CD99: variants seen among roughly 807,000 people sequenced by gnomAD.
The protein encoded by CD99 is CD99 antigen.
In CD99, 19 loss-of-function variants were observed where a neutral mutation model predicts 28.4. The observed-to-expected ratio is 0.67, with a 90% CI of 0.47 to 0.98. The LOEUF is 0.98. CD99 is among the 50% of genes least tolerant of loss of function. CD99 has a pLI of 0.00. For missense variants in CD99, 283 were observed against 248.8 expected (o/e 1.14, Z -0.92); for synonymous variants, 103 against 92.1 (o/e 1.12, Z -0.67).
chrX:2,739,534 C>T (rs1408601816), intron 9 of CD99, among the ~76,000 whole-genome samples: 6 of 151,994 alleles, frequency 3.9e-5, no homozygotes, highest in African/African-American at 9.7e-5. Context: ...ACTGCAACCC[C>T]TGCCTCCCAG....
chrX:2,699,638 G>A (rs1223725973), intron 1 of CD99, among the ~76,000 whole-genome samples: 1 of 151,944 alleles, frequency 6.6e-6, no homozygotes, highest in Non-Finnish European at 1.5e-5. Flanking sequence ...TTCATTTTTT[G>A]TAGAGACAGG....
chrX:2,717,407 G>A (rs1343269004), intron 2 of CD99, 198 bp from the exon 3 acceptor site: 4 of 583,256 alleles, frequency 6.9e-6, no homozygotes, highest in Non-Finnish European at 1.2e-5. Flanking sequence ...ACCATGGCCG[G>A]TAGCAGCCTC....
intron 8 of CD99, among the ~76,000 whole-genome samples, chrX:2,735,690 G>A (rs144154460): frequency 0.019 from 2,823 of 152,256 alleles, 88 homozygotes; most frequent in African/African-American, 0.062. Flanking sequence ...AAATGCACCC[G>A]TGTTGACAAC....
intron 7 of CD99, 90 bp downstream of exon 7, chrX:2,723,454 G>A: frequency 1.4e-6 from 2 of 1,446,600 alleles, no homozygotes; most frequent in East Asian, 2.3e-5. Flanking sequence ...GACTGCACTG[G>A]CATTGGCCTC....
At chrX:2,739,129 A>G (rs2050084733) in intron 9 of CD99, among the ~76,000 whole-genome samples, 1 of 152,082 alleles carries the variant, frequency 6.6e-6, no homozygotes, top group Admixed American at 6.6e-5. Context: ...TCAGCTTCCC[A>G]GAGTGCTGGG....
chrX:2,708,900 C>T (rs2124520635), intron 1 of CD99, among the ~76,000 whole-genome samples: 1 of 152,182 alleles, frequency 6.6e-6, no homozygotes, highest in South Asian at 2.1e-4. Flanking sequence ...TGTGCCCTCC[C>T]CTGTAACTGG....
At position 2,738,288 on chromosome X, in the gene CD99, C is replaced by T. The variant is rs186955390; in HGVS notation, c.532+32C>T. On this transcript the variant is annotated intron_variant, in intron 9 of 9. Coordinates refer to ENST00000381192, the MANE Select transcript of CD99 (RefSeq NM_002414.5). Reference sequence around the variant, plus strand: ...AGGACGGGGAACGATGGCTTGCACACGTGGCCAGTGTTCCCATTTTATCTT... The same window carrying T: ...AGGACGGGGAACGATGGCTTGCACATGTGGCCAGTGTTCCCATTTTATCTT... The T allele has an allele frequency of 1.7e-3, 2,651 of 1,605,800 alleles. 14 individuals are homozygous for T. The highest frequency in any genetic ancestry group is 2.1e-3 in the Non-Finnish European group (2,447 of 1,172,900).
intron 1 of CD99, among the ~76,000 whole-genome samples, chrX:2,711,451 A>G (rs2048407988): frequency 6.6e-6 from 1 of 150,868 alleles, no homozygotes. Context: ...GTATATATAT[A>G]TATGTTTATT....
At chrX:2,712,117 G>A (rs1360149124) in intron 1 of CD99, among the ~76,000 whole-genome samples, 1 of 152,084 alleles carries the variant, frequency 6.6e-6, no homozygotes, top group African/African-American at 2.4e-5. Flanking sequence ...GCAGTAAGCC[G>A]AGCACAGAAA....
intron 1 of CD99, among the ~76,000 whole-genome samples, chrX:2,708,156 C>G (rs1029776619): frequency 4.0e-5 from 6 of 150,872 alleles, no homozygotes; most frequent in African/African-American, 1.5e-4. Flanking sequence ...CTCCCTCACA[C>G]ACACCTGGGG....
intron 1 of CD99, among the ~76,000 whole-genome samples, chrX:2,708,637 G>T (rs1291896231): frequency 6.6e-6 from 1 of 152,148 alleles, no homozygotes; most frequent in Non-Finnish European, 1.5e-5. Flanking sequence ...CTCCAAGTGC[G>T]GGGCTGAGGC....
At chrX:2,712,975 T>C (rs1280937798) in intron 1 of CD99, among the ~76,000 whole-genome samples, 1 of 150,672 alleles carries the variant, frequency 6.6e-6, no homozygotes, top group Non-Finnish European at 1.5e-5. Context: ...CACCTACACA[T>C]ACACACACAA....
intron 8 of CD99, among the ~76,000 whole-genome samples, chrX:2,734,612 T>A (rs1012053523): frequency 2.7e-5 from 4 of 150,918 alleles, no homozygotes; most frequent in Non-Finnish European, 5.9e-5. Flanking sequence ...TGGCCCTTTT[T>A]CTTTTTTCTT....
At chrX:2,722,896 A>C (rs2049068700) in intron 6 of CD99, among the ~76,000 whole-genome samples, 2 of 152,204 alleles carry the variant, frequency 1.3e-5, no homozygotes, top group Non-Finnish European at 2.9e-5. Context: ...TTCAGGGCCC[A>C]GGCAGCTGCC....
intron 4 of CD99, 118 bp downstream of exon 4, chrX:2,719,823 A>C: frequency 9.4e-7 from 1 of 1,067,526 alleles, no homozygotes; most frequent in Non-Finnish European, 1.5e-6. Flanking sequence ...TCACAGTGGA[A>C]ACCTAGGGAA....
In CD99 at chrX:2,695,840, G is replaced by T. The variant is rs760633987; in HGVS notation, c.67+4413G>T. On this transcript the variant is annotated intron_variant, in intron 1 of 9. Transcript: ENST00000381192. ...GTAGAGACGGTGTTTCACCCTGTTG[G>T]ACAGGCTGGCCTCAAACTCCTGGCC... Among the ~76,000 whole-genome samples, 3 of 152,072 alleles carry T rather than the reference G, an allele frequency of 2.0e-5. No homozygotes were observed. In the South Asian group the frequency reaches 6.2e-4, roughly 32 times the overall value.
intron 7 of CD99, among the ~76,000 whole-genome samples, chrX:2,724,427 A>C (rs959133707): frequency 1.3e-5 from 2 of 151,416 alleles, no homozygotes; most frequent in Admixed American, 6.6e-5. Flanking sequence ...AGAAGATTCT[A>C]TCTGGAGAAG....
intron 9 of CD99, among the ~76,000 whole-genome samples, chrX:2,740,202 C>G (rs2050135548): frequency 6.6e-6 from 1 of 152,148 alleles, no homozygotes; most frequent in African/African-American, 2.4e-5. Context: ...AAGGAAGATT[C>G]CTTCTGCCCA....
intron 6 of CD99, 24 bp downstream of exon 6, chrX:2,722,698 TCTTTTCTCTCTCCATC>T: frequency 1.2e-6 from 2 of 1,612,516 alleles, no homozygotes; most frequent in South Asian, 2.2e-5. Flanking sequence ...GTTTTCTGTC[TCTTTTCTCTCTCCATC>T]CCATGATGCC....
Sources: allele counts gnomAD v4.1 joint callset (sites outside exome capture counted in the v4.1 genomes callset), GRCh38; gene constraint gnomAD v4.1.1; transcripts MANE v1.5; gene names NCBI Gene and HGNC (gene_info 2026-07-23, HGNC 2026-07-21).